Variants in AXIN1 observed in about 807,000 individuals in gnomAD.
AXIN1 encodes axin 1, also known as axin-1.
Under a neutral mutation model 76.4 loss-of-function variants are expected in AXIN1, and 30 were observed. The ratio of observed to expected loss-of-function variants is 0.39; its 90% confidence interval spans 0.29 to 0.53. The LOEUF is 0.53. AXIN1 is among the 20% of genes least tolerant of loss of function. AXIN1 has a pLI of 0.66. For synonymous variants in AXIN1, 545 were observed against 501.4 expected (o/e 1.09, Z -1.16); for missense variants, 1,140 against 1,198.8 (o/e 0.95, Z 0.72).
chr16:333,310 C>A (rs551559287), intron 2 of AXIN1, among the ~76,000 whole-genome samples: 1 of 151,120 alleles, frequency 6.6e-6, no homozygotes, highest in South Asian at 2.1e-4. Flanking sequence ...CCAGCCCGGG[C>A]AACAAGAGCG....
chr16:291,550 C>T (rs1373031689), intron 8 of AXIN1: 1 of 559,222 alleles, frequency 1.8e-6, no homozygotes, highest in East Asian at 3.1e-5. Context: ...CTGGACCGCA[C>T]TTTGGGGAGC....
chr16:290,116 A>G (rs923669097), intron 9 of AXIN1: 3 of 198,120 alleles, frequency 1.5e-5, no homozygotes, highest in African/African-American at 2.3e-5. Context: ...GCCCAGGCTG[A>G]GCCGGGCCCT....
At chr16:322,051 G>A (rs985237827) in intron 2 of AXIN1, among the ~76,000 whole-genome samples, 2 of 152,232 alleles carry the variant, frequency 1.3e-5, no homozygotes, top group East Asian at 1.9e-4. Context: ...AATTCCAAGT[G>A]AGCTGGACAT....
rs372629435 is a variant in AXIN1, at chr16:297,246, G to A, written c.1785-20C>T. Reference sequence around the variant, plus strand: ...TTCCCACTGCAAGGGCAAGAGCTGCGAGTCGCCCTGGCCTCCGGTGGCCGA... The same window carrying A: ...TTCCCACTGCAAGGGCAAGAGCTGCAAGTCGCCCTGGCCTCCGGTGGCCGA... On this transcript the variant is annotated intron_variant, in intron 6 of 10. Transcript: ENST00000262320. 27 of 1,602,468 alleles carry A rather than the reference G, an allele frequency of 1.7e-5. No individual in the cohort carries two copies. Among genetic ancestry groups the A allele is most frequent in the African/African-American group, 4.0e-5 (3 of 74,900 alleles).
chr16:349,760 A>G (rs2054105752), intron 1 of AXIN1, among the ~76,000 whole-genome samples: 2 of 152,196 alleles, frequency 1.3e-5, no homozygotes, highest in Non-Finnish European at 2.9e-5. Context: ...ACCACAGAAA[A>G]CAGCAGCAAA....
At chr16:329,090 C>T (rs1465536081) in intron 2 of AXIN1, among the ~76,000 whole-genome samples, 4 of 151,892 alleles carry the variant, frequency 2.6e-5, no homozygotes, top group Non-Finnish European at 1.5e-5. Context: ...CCAGCCTGAC[C>T]GACATGGTGA....
At chr16:348,366 G>A (rs1314576575) in intron 1 of AXIN1, among the ~76,000 whole-genome samples, 2 of 152,202 alleles carry the variant, frequency 1.3e-5, no homozygotes, top group African/African-American at 4.8e-5. Flanking sequence ...CTAAAACCCA[G>A]GACCAACTGA....
intron 8 of AXIN1, chr16:292,324 T>C (rs1309322845): frequency 6.6e-6 from 1 of 152,258 alleles, no homozygotes; most frequent in African/African-American, 2.4e-5. Flanking sequence ...GGTCATAAAG[T>C]GGTCACCCTT....
chr16:318,970 A>G (rs1247135962), intron 2 of AXIN1, among the ~76,000 whole-genome samples: 1 of 151,532 alleles, frequency 6.6e-6, no homozygotes, highest in Non-Finnish European at 1.5e-5. Context: ...CCTTGGTGAG[A>G]GCGGCTCTGG....
In AXIN1 at chr16:287,944, CTT is replaced by C. The variant is rs2052430040; in HGVS notation, c.*176_*177del. On this transcript the variant is annotated 3_prime_UTR_variant, in exon 11 of 11. Coordinates refer to ENST00000262320, the MANE Select transcript of AXIN1 (RefSeq NM_003502.4). ...TGCCTCCTTGGGGGCAGGACAGAAGCTTGTGGACCACTTGGAGGGACCCCCTA... is the reference window on the plus strand; with the variant it reads ...TGCCTCCTTGGGGGCAGGACAGAAGCGTGGACCACTTGGAGGGACCCCCTA... 2 of 1,024,690 alleles carry C rather than the reference CTT, an allele frequency of 2.0e-6. No individual in the cohort carries two copies. The allele number at this position is 1,024,690 out of a possible 1,614,324, so 63.5% of individuals were successfully genotyped here. A position where few individuals can be genotyped will look rare whatever the true frequency, so the allele number is the denominator to read the frequency against.
chr16:338,226 A>G (rs1410297790), intron 2 of AXIN1, among the ~76,000 whole-genome samples: 1 of 152,252 alleles, frequency 6.6e-6, no homozygotes, highest in Non-Finnish European at 1.5e-5. Context: ...AATCTGTGAC[A>G]CTGGCGCAAA....
chr16:288,105 GCCAGCCCA>G lies in AXIN1; in HGVS notation c.*9_*16del, dbSNP rs765171458. On this transcript the variant is annotated 3_prime_UTR_variant, in exon 11 of 11. Transcript: ENST00000262320. ...GCCAAGGGCCTCGCCTGGCACAGCG[GCCAGCCCA>G]CCAGCCTATCAGTCCACCTTCTCCA... The G allele has an allele frequency of 2.5e-6, 4 of 1,612,996 alleles. No homozygotes were observed. Among genetic ancestry groups the G allele is most frequent in the Admixed American group, 1.7e-5 (1 of 60,034 alleles).
intron 1 of AXIN1, among the ~76,000 whole-genome samples, chr16:347,676 T>C (rs1205297177): frequency 2.0e-5 from 3 of 152,190 alleles, no homozygotes; most frequent in Non-Finnish European, 4.4e-5. Context: ...ACGTCACGCG[T>C]GGTACACCTT....
chr16:337,788 T>C (rs1597105191), intron 2 of AXIN1, among the ~76,000 whole-genome samples: 1 of 152,186 alleles, frequency 6.6e-6, no homozygotes, highest in Non-Finnish European at 1.5e-5. Context: ...GGGTCCTTGC[T>C]GGAGGAGAAG....
chr16:297,339 C>T (rs1048452708), intron 6 of AXIN1, 113 bp from the exon 7 acceptor site: 37 of 1,401,862 alleles, frequency 2.6e-5, no homozygotes, highest in Admixed American at 1.1e-4. Flanking sequence ...GTGCAGCCGC[C>T]GCCCGCTGTC....
chr16:299,476 C>T (rs906804649), intron 5 of AXIN1, among the ~76,000 whole-genome samples: 33 of 151,584 alleles, frequency 2.2e-4, no homozygotes, highest in Admixed American at 1.6e-3. Flanking sequence ...CCTCAGCCTA[C>T]CGAGTAGCTG....
intron 4 of AXIN1, among the ~76,000 whole-genome samples, chr16:305,321 T>C (rs568556472): frequency 6.6e-6 from 1 of 152,062 alleles, no homozygotes; most frequent in African/African-American, 2.4e-5. Context: ...AAAATTTTTT[T>C]TAATTAGCCG....
At chr16:310,141 C>T in intron 3 of AXIN1, 72 bp from the exon 4 acceptor site, 1 of 1,420,218 alleles carries the variant, frequency 7.0e-7, no homozygotes, top group Admixed American at 2.0e-5. Context: ...AATAGAGCTC[C>T]TGGCCCCGAC....
chr16:318,439 T>G (rs1226681624), intron 2 of AXIN1, among the ~76,000 whole-genome samples: 1 of 152,092 alleles, frequency 6.6e-6, no homozygotes, highest in Non-Finnish European at 1.5e-5. Flanking sequence ...CTATTGATCT[T>G]CGTAACAATC....
Sources: allele counts gnomAD v4.1 joint callset (sites outside exome capture counted in the v4.1 genomes callset), GRCh38; gene constraint gnomAD v4.1.1; transcripts MANE v1.5; gene names NCBI Gene and HGNC (gene_info 2026-07-23, HGNC 2026-07-21).